Variants in LCOR observed in about 807,000 individuals in gnomAD.
LCOR encodes the protein ligand dependent nuclear receptor corepressor.
Under a neutral mutation model 64.4 loss-of-function variants are expected in LCOR, and 14 were observed. That is an observed-to-expected ratio of 0.22 (90% CI 0.14 to 0.34). LCOR has a LOEUF of 0.34. Among genes scored for constraint, LCOR ranks in the 10% least tolerant of loss-of-function variants. The pLI is 1.00. For synonymous variants in LCOR, 643 were observed against 642.5 expected, an observed-to-expected ratio of 1.00 and a Z score of -0.01; for missense variants, 1,686 against 1,765.3, an observed-to-expected ratio of 0.96 and a Z score of 0.80.
intron 4 of LCOR, among the ~76,000 whole-genome samples, chr10:96,935,377 G>T (rs530466429): frequency 6.6e-6 from 1 of 151,974 alleles, no homozygotes; most frequent in African/African-American, 2.4e-5. Flanking sequence ...TCAAATTCCT[G>T]ACCTCAGGTG....
At chr10:96,851,223 CTG>C (rs1448660455) in intron 2 of LCOR, among the ~76,000 whole-genome samples, 1 of 152,230 alleles carries the variant, frequency 6.6e-6, no homozygotes, top group Non-Finnish European at 1.5e-5. Flanking sequence ...TCCTTGATAA[CTG>C]TTGTCATCCT....
chr10:96,866,243 T>A lies in LCOR; in HGVS notation c.-330+32764T>A, dbSNP rs564352667. Among the ~76,000 whole-genome samples the A allele has an allele frequency of 2.4e-4, 36 of 152,312 alleles. 1 individual carries two copies. The highest frequency in any genetic ancestry group is 7.4e-5 in the Non-Finnish European group (5 of 68,016). ...CCCGTTACATGATCAAATTTTAGAATAGCCACTCCTCATTCTGTCTCCTTC... is the reference window on the plus strand; with the variant it reads ...CCCGTTACATGATCAAATTTTAGAAAAGCCACTCCTCATTCTGTCTCCTTC... On this transcript the variant is annotated intron_variant, in intron 2 of 7. Transcript: ENST00000421806.
chr10:96,906,140 T>G (rs1846723160), intron 2 of LCOR, among the ~76,000 whole-genome samples: 1 of 152,238 alleles, frequency 6.6e-6, no homozygotes, highest in African/African-American at 2.4e-5. Flanking sequence ...GAGTGCTTTT[T>G]AACAATTAAA....
At chr10:96,868,844 A>G (rs1282887904) in intron 2 of LCOR, among the ~76,000 whole-genome samples, 2 of 152,200 alleles carry the variant, frequency 1.3e-5, no homozygotes, top group Non-Finnish European at 2.9e-5. Flanking sequence ...CCTAGCAAAT[A>G]GGTTAATCTG....
At chr10:96,883,357 G>C (rs1279115075) in intron 2 of LCOR, among the ~76,000 whole-genome samples, 2 of 152,170 alleles carry the variant, frequency 1.3e-5, no homozygotes, top group Non-Finnish European at 2.9e-5. Context: ...ATGTGGACAT[G>C]TTTTCATTTT....
intron 2 of LCOR, among the ~76,000 whole-genome samples, chr10:96,899,488 T>C (rs760749283): frequency 8.7e-4 from 133 of 152,170 alleles, no homozygotes; most frequent in Non-Finnish European, 1.4e-3. Flanking sequence ...TTTTTAATTT[T>C]TAAATGTTCA....
intron 2 of LCOR, among the ~76,000 whole-genome samples, chr10:96,860,243 A>G (rs367652826): frequency 1.2e-4 from 19 of 152,266 alleles, no homozygotes; most frequent in East Asian, 1.2e-3. Flanking sequence ...GTGCCTGTGA[A>G]TTTTAGCTTA....
chr10:96,916,126 G>T (rs1423867504), intron 4 of LCOR, among the ~76,000 whole-genome samples: 1 of 152,074 alleles, frequency 6.6e-6, no homozygotes. Context: ...CCGCCTCCCG[G>T]GTTCACCCAA....
intron 7 of LCOR, among the ~76,000 whole-genome samples, chr10:96,966,410 A>G (rs1043477851): frequency 6.6e-6 from 1 of 151,538 alleles, no homozygotes; most frequent in African/African-American, 2.4e-5. Context: ...TTGTATTTTT[A>G]GTAGAAACGG....
intron 4 of LCOR, among the ~76,000 whole-genome samples, chr10:96,914,214 G>T (rs1479540455): frequency 2.0e-5 from 3 of 152,004 alleles, no homozygotes; most frequent in Non-Finnish European, 4.4e-5. Flanking sequence ...ATTTTATTTT[G>T]AGACGGAGCC....
chr10:96,844,495 A>T (rs1482863635), intron 2 of LCOR, among the ~76,000 whole-genome samples: 1 of 152,050 alleles, frequency 6.6e-6, no homozygotes, highest in African/African-American at 2.4e-5. Flanking sequence ...TCTACCCATA[A>T]TCTTACCATA....
intron 1 of LCOR, 64 bp downstream of exon 1, chr10:96,832,463 G>A: frequency 3.2e-6 from 2 of 622,582 alleles, no homozygotes; most frequent in Non-Finnish European, 4.0e-6. Flanking sequence ...CCCCAGACCA[G>A]GGAGGAAGCT....
chr10:96,958,578 C>T, intron 7 of LCOR: 1 of 630,908 alleles, frequency 1.6e-6, no homozygotes, highest in East Asian at 2.7e-5. Context: ...AAAAAACAAA[C>T]CAAACTCTAA....
At chr10:96,836,761 A>G (rs1589594096) in intron 2 of LCOR, among the ~76,000 whole-genome samples, 1 of 152,186 alleles carries the variant, frequency 6.6e-6, no homozygotes, top group African/African-American at 2.4e-5. Context: ...AAAAGTGGAG[A>G]AGGACAGCAA....
intron 2 of LCOR, among the ~76,000 whole-genome samples, chr10:96,904,156 C>T (rs573964846): frequency 3.9e-5 from 6 of 152,104 alleles, no homozygotes; most frequent in African/African-American, 1.4e-4. Flanking sequence ...TTGAACAGTC[C>T]CTGGCAGATG....
At chr10:96,861,171 A>C (rs1016850199) in intron 2 of LCOR, among the ~76,000 whole-genome samples, 1 of 152,174 alleles carries the variant, frequency 6.6e-6, no homozygotes, top group African/African-American at 2.4e-5. Context: ...TGGTGTGACA[A>C]ATTCATTTTT....
At position 96,832,566 on chromosome 10, in the gene LCOR, C is replaced by T. The variant is rs1374776002; in HGVS notation, c.-404+167C>T. Among the ~76,000 whole-genome samples, 49 of 145,562 alleles carry T rather than the reference C, an allele frequency of 3.4e-4. 1 individual carries two copies. Among genetic ancestry groups the T allele is most frequent in the South Asian group, 2.2e-4 (1 of 4,476 alleles). On this transcript the variant is annotated intron_variant, in intron 1 of 7. Transcript: ENST00000421806. ...CCCCCGGAGTGTGAGCGCGCGCGAC[C>T]TCCAGGCGGGCTCCCCTGCTCGGCC...
At chr10:96,977,496 T>C (rs1848048464) in intron 7 of LCOR, among the ~76,000 whole-genome samples, 1 of 152,220 alleles carries the variant, frequency 6.6e-6, no homozygotes, top group Non-Finnish European at 1.5e-5. Flanking sequence ...TCAGGAAGAA[T>C]AAATTATGTT....
chr10:96,941,690 C>CGGTT (rs1847483791), intron 4 of LCOR, among the ~76,000 whole-genome samples: 1 of 132,314 alleles, frequency 7.6e-6, no homozygotes, highest in Non-Finnish European at 1.7e-5. Context: ...TCAGACGGGG[C>CGGTT]GGTTGCTAGG....
Sources: allele counts gnomAD v4.1 joint callset (sites outside exome capture counted in the v4.1 genomes callset), GRCh38; gene constraint gnomAD v4.1.1; transcripts MANE v1.5; gene names NCBI Gene and HGNC (gene_info 2026-07-23, HGNC 2026-07-21).